Variants in FKTN observed in about 807,000 individuals in gnomAD.
The protein encoded by FKTN is fukutin.
In FKTN, 47 loss-of-function variants were observed where a neutral mutation model predicts 58.6. The observed-to-expected ratio is 0.80, with a 90% CI of 0.63 to 1.02. The LOEUF (loss-of-function observed/expected upper bound fraction) is 1.02, where lower values mean the gene tolerates loss of function less well. FKTN is among the 50% of genes least tolerant of loss of function. The pLI is 0.00. For missense variants in FKTN, 516 were observed against 537.3 expected (o/e 0.96, Z 0.39); for synonymous variants, 178 against 191.9 (o/e 0.93, Z 0.60).
chr9:105,567,076 G>A (rs139298461), intron 1 of FKTN, among the ~76,000 whole-genome samples: 19,392 of 152,078 alleles, frequency 0.13, 1,611 homozygotes, highest in East Asian at 0.46. Context: ...ATGCAGAAAA[G>A]GCCTTTGACA....
rs41313301 is a variant in FKTN at position 105,635,214 on chromosome 9, A to G, written c.1336A>G (p.Asn446Asp). Residue 446 changes from asparagine to aspartate, a missense_variant, in exon 11 of 11, where the codon AAT (asparagine) becomes GAT (aspartate). By Grantham distance (23) the Asn-to-Asp change is conservative. Transcript: ENST00000357998. ...WKRSPPNVQP[N>D]GIWPISEWDE... ...GCGCTCTCCTCCCAATGTGCAACCC[A>G]ATGGAATCTGGCCTATTTCTGAGTG... 16,809 of 1,614,160 alleles carry G rather than the reference A, an allele frequency of 0.01. 163 individuals carry two copies. Among genetic ancestry groups the G allele is most frequent in the South Asian group, 0.024 (2,159 of 91,080 alleles).
At chr9:105,565,475 CA>C (rs36188764) in intron 1 of FKTN, among the ~76,000 whole-genome samples, 1 of 151,360 alleles carries the variant, frequency 6.6e-6, no homozygotes, top group Admixed American at 6.6e-5. Context: ...AAATGGAAAA[CA>C]AAAAAAGGTA....
chr9:105,582,435 G>A (rs1004050986), intron 3 of FKTN, among the ~76,000 whole-genome samples: 1 of 152,146 alleles, frequency 6.6e-6, no homozygotes, highest in Non-Finnish European at 1.5e-5. Flanking sequence ...GCCTCAGGCA[G>A]TTCTGTCACC....
intron 5 of FKTN, 45 bp downstream of exon 5, chr9:105,601,393 A>G (rs1028989334): frequency 5.3e-6 from 7 of 1,328,594 alleles, no homozygotes; most frequent in Non-Finnish European, 6.5e-6. Flanking sequence ...TCTTTTTACA[A>G]AATAGTATAG....
In FKTN at chr9:105,619,960, C is replaced by A. The variant is rs1445072382; in HGVS notation, c.1071C>A (p.Phe357Leu). The A allele has an allele frequency of 6.2e-7, 1 of 1,611,970 alleles. No homozygotes were observed. The highest frequency in any genetic ancestry group is 8.5e-7 in the Non-Finnish European group (1 of 1,178,478). ...TAGAAGACAGCTTGGAACTATCCTTCCAGGGAAAAGATGATGTAAAACTTG... is the reference window on the plus strand; with the variant it reads ...TAGAAGACAGCTTGGAACTATCCTTACAGGGAAAAGATGATGTAAAACTTG... ...GKVEDSLELS[F>L]QGKDDVKLDV... Residue 357 changes from phenylalanine (F) to leucine (L), a missense_variant, in exon 10 of 11, where the codon TTC (phenylalanine) becomes TTA (leucine). By Grantham distance (22) the Phe-to-Leu change is conservative. Coordinates refer to ENST00000357998, the MANE Select transcript of FKTN (RefSeq NM_001079802.2).
chr9:105,594,534 G>A (rs1458179897), intron 3 of FKTN, among the ~76,000 whole-genome samples: 1 of 152,172 alleles, frequency 6.6e-6, no homozygotes, highest in Non-Finnish European at 1.5e-5. Context: ...GAAGCAAGTG[G>A]ATCACTTGAG....
At chr9:105,568,051 C>T (rs1197181011) in intron 1 of FKTN, among the ~76,000 whole-genome samples, 2 of 152,130 alleles carry the variant, frequency 1.3e-5, no homozygotes, top group Admixed American at 6.6e-5. Flanking sequence ...AAAGGATTCC[C>T]TATTTAACAA....
intron 3 of FKTN, among the ~76,000 whole-genome samples, chr9:105,581,477 T>A (rs1009813927): frequency 6.6e-6 from 1 of 150,674 alleles, no homozygotes; most frequent in Non-Finnish European, 1.5e-5. Flanking sequence ...GTTAGGCTGC[T>A]CGGGGGTCAG....
intron 3 of FKTN, among the ~76,000 whole-genome samples, chr9:105,587,031 T>C (rs1844035485): frequency 6.6e-6 from 1 of 152,196 alleles, no homozygotes; most frequent in Non-Finnish European, 1.5e-5. Context: ...TGATAAGATA[T>C]GAAATGAGAT....
chr9:105,608,137 TAAG>T (rs966272157), intron 7 of FKTN, among the ~76,000 whole-genome samples, 186 bp downstream of exon 7: 1 of 152,190 alleles, frequency 6.6e-6, no homozygotes, highest in Non-Finnish European at 1.5e-5. Flanking sequence ...AAATTAACCT[TAAG>T]AAACTATTTT....
At chr9:105,612,446 A>G (rs530661679) in intron 7 of FKTN, among the ~76,000 whole-genome samples, 1 of 152,182 alleles carries the variant, frequency 6.6e-6, no homozygotes, top group African/African-American at 2.4e-5. Context: ...TGGCATCTTC[A>G]TGAAATTTTT....
At chr9:105,578,914 A>G (rs1211755036) in intron 3 of FKTN, among the ~76,000 whole-genome samples, 5 of 151,946 alleles carry the variant, frequency 3.3e-5, no homozygotes, top group Admixed American at 6.6e-5. Context: ...TGTATGTGTC[A>G]AGGAATTTAT....
chr9:105,632,459 T>C (rs1443438205), intron 10 of FKTN, among the ~76,000 whole-genome samples: 1 of 149,348 alleles, frequency 6.7e-6, no homozygotes, highest in Non-Finnish European at 1.5e-5. Flanking sequence ...AAAAATAAAA[T>C]AAATAAAAAA....
At chr9:105,566,563 T>G (rs1191445900) in intron 1 of FKTN, among the ~76,000 whole-genome samples, 1 of 152,088 alleles carries the variant, frequency 6.6e-6, no homozygotes, top group Non-Finnish European at 1.5e-5. Context: ...GATAAATTCC[T>G]TGACACACAC....
At chr9:105,567,506 CAG>C (rs2131833410) in intron 1 of FKTN, among the ~76,000 whole-genome samples, 1 of 151,252 alleles carries the variant, frequency 6.6e-6, no homozygotes, top group African/African-American at 2.4e-5. Context: ...CACCAAATAA[CAG>C]AGAGCCAAAT....
At chr9:105,611,746 T>C (rs948597097) in intron 7 of FKTN, among the ~76,000 whole-genome samples, 1 of 152,226 alleles carries the variant, frequency 6.6e-6, no homozygotes, top group Non-Finnish European at 1.5e-5. Flanking sequence ...CAGTCTATCA[T>C]TGATGAGCAT....
chr9:105,585,186 A>G (rs922935128), intron 3 of FKTN, among the ~76,000 whole-genome samples: 1 of 152,190 alleles, frequency 6.6e-6, no homozygotes, highest in African/African-American at 2.4e-5. Flanking sequence ...GCACTTTGGG[A>G]GGCTTAGGCG....
At chr9:105,631,604 G>A (rs989838337) in intron 10 of FKTN, among the ~76,000 whole-genome samples, 1 of 152,018 alleles carries the variant, frequency 6.6e-6, no homozygotes, top group Non-Finnish European at 1.5e-5. Context: ...AAAAGTGGGT[G>A]AAGGACATGA....
intron 1 of FKTN, among the ~76,000 whole-genome samples, chr9:105,559,028 C>T (rs1346970749): frequency 6.6e-6 from 1 of 152,110 alleles, no homozygotes; most frequent in Non-Finnish European, 1.5e-5. Flanking sequence ...AGAAAGGAAC[C>T]GGGGAAATGC....
Sources: allele counts gnomAD v4.1 joint callset (sites outside exome capture counted in the v4.1 genomes callset), GRCh38; gene constraint gnomAD v4.1.1; transcripts MANE v1.5; gene names NCBI Gene and HGNC (gene_info 2026-07-23, HGNC 2026-07-21).